Variants in SYTL3 observed in about 807,000 individuals in gnomAD.
SYTL3 encodes synaptotagmin like 3, also known as synaptotagmin-like protein 3.
A neutral mutation model predicts 82.1 loss-of-function variants in SYTL3; 88 were observed. That is an observed-to-expected ratio of 1.07 (90% CI 0.90 to 1.28). SYTL3 has a LOEUF of 1.28. Ranked by LOEUF, SYTL3 falls within the 50% of genes most tolerant of loss-of-function variation. The probability of loss-of-function intolerance (pLI) is 0.00; values close to 1 mark genes in which losing one functional copy is unlikely to be tolerated. For synonymous variants in SYTL3, 311 were observed against 289.4 expected (o/e 1.07, Z -0.76); for missense variants, 831 against 757.6 (o/e 1.10, Z -1.14).
rs55657606 is a variant in SYTL3, at chr6:158,727,689, C to CTTTTTTTTTTTTTTTTT, written c.855+2064_855+2065insTTTTTTTTTTTTTTTTT. 4.4e-4 allele frequency among the ~76,000 whole-genome samples: 47 copies of CTTTTTTTTTTTTTTTTT among 106,698 alleles called. 1 individual carries two copies. Among genetic ancestry groups the CTTTTTTTTTTTTTTTTT allele is most frequent in the African/African-American group, 1.2e-3 (27 of 23,066 alleles). 70.0% of individuals were successfully genotyped at this position (106,698 alleles called of 152,430 possible). A position where few individuals can be genotyped will look rare whatever the true frequency, so the allele number is the denominator to read the frequency against. On this transcript the variant is annotated intron_variant, in intron 11 of 17. Coordinates refer to ENST00000611299, the MANE Select transcript of SYTL3 (RefSeq NM_001242394.2). ...CATGTGCGTGTCTCATCCAAGTACTCTTTTTTTTTTTTGAGATGAAGTCTC... is the reference window on the plus strand; with the variant it reads ...CATGTGCGTGTCTCATCCAAGTACTCTTTTTTTTTTTTTTTTTTTTTTTTTTTTTGAGATGAAGTCTC...
chr6:158,742,192 A>C (rs1398293913), intron 11 of SYTL3, among the ~76,000 whole-genome samples: 1 of 152,272 alleles, frequency 6.6e-6, no homozygotes, highest in Non-Finnish European at 1.5e-5. Context: ...AAATAAATAA[A>C]GCGAGAAATG....
Position 158,657,992 on chromosome 6 carries a change from A to T in SYTL3, c.-636-3277A>T, listed in dbSNP as rs148926998. 6.9e-3 allele frequency among the ~76,000 whole-genome samples: 1,056 copies of T among 151,964 alleles called. 4 individuals are homozygous for T. The highest frequency in any genetic ancestry group is 0.011 in the Non-Finnish European group (745 of 67,990). On this transcript the variant is annotated intron_variant, in intron 2 of 17. Coordinates refer to ENST00000611299, the MANE Select transcript of SYTL3 (RefSeq NM_001242394.2). ...ACTGCAAGCTCTGCCTCCCAGGTTC[A>T]TGCCATTCTCCTGCCCCAGCCTCCC...
intron 9 of SYTL3, among the ~76,000 whole-genome samples, chr6:158,716,858 A>G (rs1783486559): frequency 6.6e-6 from 1 of 152,254 alleles, no homozygotes; most frequent in East Asian, 1.9e-4. Flanking sequence ...TGCAAGATGC[A>G]CTACCAAAGT....
At chr6:158,705,503 C>G (rs114337177) in intron 6 of SYTL3, among the ~76,000 whole-genome samples, 1 of 111,876 alleles carries the variant, frequency 8.9e-6, no homozygotes, top group African/African-American at 3.2e-5. Context: ...TATAAGGCCA[C>G]GTAGGACAGG....
At chr6:158,725,670 T>C in intron 11 of SYTL3, 33 bp downstream of exon 11, 1 of 1,598,198 alleles carries the variant, frequency 6.3e-7, no homozygotes, top group Non-Finnish European at 8.5e-7. Flanking sequence ...TTTTTTGTTT[T>C]TTTGTTTTTT....
intron 11 of SYTL3, chr6:158,726,110 A>G (rs1324083891): frequency 2.4e-6 from 1 of 420,400 alleles, no homozygotes; most frequent in African/African-American, 2.1e-5. Flanking sequence ...AGTTATCAAA[A>G]ATTGAATAGT....
chr6:158,688,892 G>A (rs1293571594), intron 6 of SYTL3, among the ~76,000 whole-genome samples: 1 of 152,170 alleles, frequency 6.6e-6, no homozygotes, highest in Non-Finnish European at 1.5e-5. Context: ...TTTCACATGA[G>A]TCAGGCTAAT....
intron 4 of SYTL3, chr6:158,663,673 G>A: frequency 1.1e-6 from 1 of 922,210 alleles, no homozygotes; most frequent in African/African-American, 1.8e-5. Flanking sequence ...GACTTCGTGG[G>A]AATCATTCAA....
chr6:158,712,408 T>A (rs1000436488), intron 8 of SYTL3, among the ~76,000 whole-genome samples: 1 of 152,222 alleles, frequency 6.6e-6, no homozygotes, highest in African/African-American at 2.4e-5. Flanking sequence ...ATCAAGTGGA[T>A]GCCTACAATT....
intron 11 of SYTL3, chr6:158,726,119 G>A (rs1426319630): frequency 7.1e-6 from 3 of 419,736 alleles, no homozygotes; most frequent in Non-Finnish European, 1.4e-5. Context: ...AAATTGAATA[G>A]TCAGTTGAAG....
chr6:158,698,824 G>A (rs1320166486), intron 6 of SYTL3, among the ~76,000 whole-genome samples: 1 of 90,916 alleles, frequency 1.1e-5, no homozygotes, highest in African/African-American at 6.1e-5. Context: ...GTGGGCATAA[G>A]GCCTGTTAAG....
Position 158,700,532 on chromosome 6 carries a change from A to G in SYTL3, c.395-6698A>G, listed in dbSNP as rs905129796. 5.3e-5 allele frequency among the ~76,000 whole-genome samples: 8 copies of G among 152,014 alleles called. No individual in the cohort carries two copies. In the East Asian group the frequency reaches 1.5e-3, roughly 29 times the overall value. The stretch of plus-strand genomic sequence containing the variant: ...GCAAAACCAATGACCTTGTGTTAAT[A>G]CACATTTGGTTGTACAGCTCAAATG... On this transcript the variant is annotated intron_variant, in intron 6 of 17. Transcript: ENST00000611299.
At chr6:158,712,749 T>C (rs1782896776) in intron 8 of SYTL3, among the ~76,000 whole-genome samples, 1 of 144,376 alleles carries the variant, frequency 6.9e-6, no homozygotes, top group Non-Finnish European at 1.5e-5. Flanking sequence ...TCTTTTTCTT[T>C]TCTTTCTTTC....
rs141830550 is a variant in SYTL3, at chr6:158,757,373, C to T, written c.1300C>T (p.Arg434Trp). The change falls in exon 14 of 18, where the codon CGG becomes TGG. Residue 434 changes from arginine (R) to tryptophan (W), a missense_variant. By Grantham distance (101) the Arg-to-Trp change is moderately radical. Transcript: ENST00000611299. Reference protein sequence around the residue: ...TTQSFRWHPLRAKAEKYEDSV... With the variant: ...TTQSFRWHPLWAKAEKYEDSV... ...ACAGTCCTTCCGCTGGCATCCGCTCCGGGCCAAGGTGATGTCTGGTTTTGG... is the reference window on the plus strand; with the variant it reads ...ACAGTCCTTCCGCTGGCATCCGCTCTGGGCCAAGGTGATGTCTGGTTTTGG... 113 of 1,613,806 alleles carry T rather than the reference C, an allele frequency of 7.0e-5. No individual in the cohort carries two copies. Among genetic ancestry groups the T allele is most frequent in the East Asian group, 8.9e-5 (4 of 44,890 alleles).
chr6:158,701,221 A>G (rs112071351), intron 6 of SYTL3, among the ~76,000 whole-genome samples: 3 of 59,060 alleles, frequency 5.1e-5, no homozygotes, highest in African/African-American at 4.0e-4. Context: ...GGTGTAGATG[A>G]AGGAGTGTGA....
At chr6:158,750,206 A>G (rs1011005229) in intron 12 of SYTL3, among the ~76,000 whole-genome samples, 2 of 152,242 alleles carry the variant, frequency 1.3e-5, no homozygotes, top group Non-Finnish European at 2.9e-5. Context: ...ACTAAGCAGT[A>G]CATTGTTTAA....
chr6:158,677,722 AAAAAAAAAG>A (rs1471521063), intron 5 of SYTL3, among the ~76,000 whole-genome samples: 19 of 145,104 alleles, frequency 1.3e-4, no homozygotes, highest in African/African-American at 4.9e-4. Context: ...AAAAAAAAAA[AAAAAAAAAG>A]ACTATTTGAA....
intron 10 of SYTL3, among the ~76,000 whole-genome samples, chr6:158,718,963 G>A (rs2128470955): frequency 6.6e-6 from 1 of 152,272 alleles, no homozygotes; most frequent in South Asian, 2.1e-4. Flanking sequence ...TTTAGGCGAG[G>A]GTGTGAGGTC....
chr6:158,712,827 C>T (rs1274735294), intron 8 of SYTL3, among the ~76,000 whole-genome samples: 2 of 148,746 alleles, frequency 1.3e-5, no homozygotes, highest in East Asian at 2.0e-4. Context: ...GGCGTGATCT[C>T]GACTCATTGC....
Sources: gnomAD v4.1 joint callset for allele counts (sites outside exome capture counted in the v4.1 genomes callset) on GRCh38, gnomAD v4.1.1 for gene constraint, MANE v1.5 for transcripts, NCBI Gene and HGNC (gene_info 2026-07-23, HGNC 2026-07-21) for gene names.